XPO4: variants seen among roughly 807,000 people sequenced by gnomAD.
XPO4 encodes the protein exportin-4.
In XPO4, 39 loss-of-function variants were observed where a neutral mutation model predicts 143.0. The ratio of observed to expected loss-of-function variants is 0.27; its 90% confidence interval spans 0.21 to 0.36. The LOEUF (loss-of-function observed/expected upper bound fraction) is 0.36, where lower values mean the gene tolerates loss of function less well. XPO4 is among the 10% of genes least tolerant of loss of function. XPO4 has a pLI of 1.00. For synonymous variants in XPO4, 439 were observed against 474.0 expected, an observed-to-expected ratio of 0.93 and a Z score of 0.96; for missense variants, 907 against 1,348.0, an observed-to-expected ratio of 0.67 and a Z score of 5.12.
At chr13:20,837,070 C>T (rs2762994) in intron 6 of XPO4, among the ~76,000 whole-genome samples, 124,494 of 152,180 alleles carry the variant, frequency 0.82, 51,103 homozygotes, top group East Asian at 1. Context: ...CATTCATCAG[C>T]TGATGGACAT....
At chr13:20,839,016 C>T (rs933155140) in intron 6 of XPO4, among the ~76,000 whole-genome samples, 2 of 152,140 alleles carry the variant, frequency 1.3e-5, no homozygotes, top group African/African-American at 2.4e-5. Context: ...GTAATCCCAG[C>T]ACTTTGGGAG....
chr13:20,853,908 C>T (rs1212574244), intron 4 of XPO4, among the ~76,000 whole-genome samples: 1 of 152,166 alleles, frequency 6.6e-6, no homozygotes, highest in Non-Finnish European at 1.5e-5. Flanking sequence ...GTAAGTTCTA[C>T]TGGACAGCAC....
At position 20,849,235 on chromosome 13, in the gene XPO4, C is replaced by T. The variant is rs576932956; in HGVS notation, c.457-5349G>A. On this transcript the variant is annotated intron_variant, in intron 4 of 22. Coordinates refer to ENST00000255305, the MANE Select transcript of XPO4 (RefSeq NM_022459.5). ...TGCCATACATAAAGCAGACTTCCAG[C>T]TGCTCTTCTATGCAAACATCAATGA... 4 of 985,416 alleles carry T rather than the reference C, an allele frequency of 4.1e-6. No homozygotes were observed. In the African/African-American group the frequency reaches 7.0e-5, roughly 17 times the overall value. 61.0% of individuals were successfully genotyped at this position (985,416 alleles called of 1,614,324 possible). A position where few individuals can be genotyped will look rare whatever the true frequency, so the allele number is the denominator to read the frequency against.
At chr13:20,796,515 T>A (rs2059360359) in intron 17 of XPO4, among the ~76,000 whole-genome samples, 1 of 152,104 alleles carries the variant, frequency 6.6e-6, no homozygotes, top group Non-Finnish European at 1.5e-5. Flanking sequence ...TATACCTATG[T>A]AACAAATCTG....
In XPO4 at chr13:20,796,218, C is replaced by T; in HGVS notation, c.2655G>A (p.Leu885=). 1.2e-6 allele frequency: 2 copies of T among 1,604,240 alleles called. No homozygotes were observed. Among genetic ancestry groups the T allele is most frequent in the Non-Finnish European group, 1.7e-6 (2 of 1,177,010 alleles). Residue 885 remains leucine, a synonymous_variant, in exon 18 of 23, where the codon TTG becomes TTA. Coordinates refer to ENST00000255305, the MANE Select transcript of XPO4 (RefSeq NM_022459.5). ...AATTATTCTTAGAATACACTTGCAA[C>T]AAAGTAAGGCAGGCTTCATATAAGT... ...AMNLYEACLT[L]LQVYSKNNLG... is the part of the protein sequence containing the mutation.
At chr13:20,846,674 T>C (rs1324013390) in intron 4 of XPO4, among the ~76,000 whole-genome samples, 2 of 152,134 alleles carry the variant, frequency 1.3e-5, no homozygotes, top group East Asian at 3.8e-4. Context: ...AAACTAGAAA[T>C]CGTAGAAAAG....
In XPO4 at chr13:20,789,395, C is replaced by CTT. The variant is rs35527944; in HGVS notation, c.2917-781_2917-780dup. Among the ~76,000 whole-genome samples, 343 of 134,776 alleles carry CTT rather than the reference C, an allele frequency of 2.5e-3. 2 individuals carry two copies. The East Asian group carries it at 0.027, about 11-fold the overall frequency. 88.4% of individuals were successfully genotyped at this position (134,776 alleles called of 152,430 possible). A position where few individuals can be genotyped will look rare whatever the true frequency, so the allele number is the denominator to read the frequency against. ...CCTTCTGGACACTTCTCAGCCTCTA[C>CTT]TTTTTTTTTTTTTTTTTGAGACAGA... is the stretch of plus-strand genomic sequence containing the variant. On this transcript the variant is annotated intron_variant, in intron 19 of 22. Transcript: ENST00000255305.
chr13:20,779,290 A>T lies in XPO4; in HGVS notation c.*4432T>A, dbSNP rs1348378542. 2.0e-5 allele frequency: 3 copies of T among 152,624 alleles called. No individual in the cohort carries two copies. The highest frequency in any genetic ancestry group is 4.4e-5 in the Non-Finnish European group (3 of 68,028). The allele number at this position is 152,624 out of a possible 1,614,324, so 9.5% of individuals were successfully genotyped here. On this transcript the variant is annotated 3_prime_UTR_variant, in exon 23 of 23. Coordinates refer to ENST00000255305, the MANE Select transcript of XPO4 (RefSeq NM_022459.5). ...CACAATACCAACATTTGCAATTTGT[A>T]ATAATTTTATGTGGTAAAAGACACC...
intron 4 of XPO4, chr13:20,850,373 A>G: frequency 2.8e-6 from 2 of 717,118 alleles, no homozygotes; most frequent in Non-Finnish European, 3.4e-6. Context: ...TAAATGGCAG[A>G]GCTGGGATTT....
Position 20,780,937 on chromosome 13 carries a change from A to C in XPO4, c.*2785T>G, listed in dbSNP as rs9578318. The C allele has an allele frequency of 1.9e-3, 285 of 152,354 alleles. No individual in the cohort carries two copies. Among genetic ancestry groups the C allele is most frequent in the African/African-American group, 6.6e-3 (273 of 41,592 alleles). The allele number at this position is 152,354 out of a possible 1,614,324, so 9.4% of individuals were successfully genotyped here. On this transcript the variant is annotated 3_prime_UTR_variant, in exon 23 of 23. Coordinates refer to ENST00000255305, the MANE Select transcript of XPO4 (RefSeq NM_022459.5). ...CCACATTAACAGACTGTGAAAGTAC[A>C]AAGTCTTTAGTGATTGTGCCTTGGG...
chr13:20,862,724 T>C lies in XPO4; in HGVS notation c.310A>G (p.Arg104Gly). The part of the protein sequence containing the change: ...RTFLLTYVLQ[R>G]PNLQKYVREQ... ...CCCCCTCCATGTACTTACTTGGGCCTTTGTAAGACATAGGTTAAAAGGAAT... is the reference window on the plus strand; with the variant it reads ...CCCCCTCCATGTACTTACTTGGGCCCTTGTAAGACATAGGTTAAAAGGAAT... Residue 104 changes from arginine to glycine, a missense_variant, in exon 3 of 23, where the codon AGG becomes GGG. Coordinates refer to ENST00000255305, the MANE Select transcript of XPO4 (RefSeq NM_022459.5). 2 of 1,614,094 alleles carry C rather than the reference T, an allele frequency of 1.2e-6. No homozygotes were observed. Among genetic ancestry groups the C allele is most frequent in the Non-Finnish European group, 1.7e-6 (2 of 1,179,976 alleles).
In XPO4 at chr13:20,826,946, C is replaced by A. The variant is rs2059792492; in HGVS notation, c.840+121G>T. 4.6e-6 allele frequency: 3 copies of A among 654,964 alleles called. No individual in the cohort carries two copies. The African/African-American group carries it at 5.5e-5, about 12-fold the overall frequency. 40.6% of individuals were successfully genotyped at this position (654,964 alleles called of 1,614,324 possible). A position where few individuals can be genotyped will look rare whatever the true frequency, so the allele number is the denominator to read the frequency against. ...AATAATTTCTGTTTAAGCAGCCATA[C>A]TGATGAGAAGACAAGACTTTAGGGG... On this transcript the variant is annotated intron_variant, in intron 7 of 22. Coordinates refer to ENST00000255305, the MANE Select transcript of XPO4 (RefSeq NM_022459.5).
intron 1 of XPO4, chr13:20,902,321 G>A: frequency 5.1e-6 from 5 of 985,330 alleles, no homozygotes; most frequent in Non-Finnish European, 6.0e-6. Context: ...TTCCCCTACC[G>A]AAGCCCTGCG....
chr13:20,892,768 C>T (rs941252815), intron 1 of XPO4, among the ~76,000 whole-genome samples: 2 of 151,958 alleles, frequency 1.3e-5, no homozygotes, highest in Admixed American at 1.3e-4. Context: ...CCTGTGGTCC[C>T]ACCTACTCGG....
intron 3 of XPO4, among the ~76,000 whole-genome samples, chr13:20,861,777 C>CTTTTTTTTTTTTTTTTTTTTTTTTT (rs71200306): frequency 4.1e-5 from 3 of 73,394 alleles, no homozygotes; most frequent in African/African-American, 9.6e-5. Flanking sequence ...ACATTTCTCT[C>CTTTTTTTTTTTTTTTTTTTTTTTTT]TTTTTTTTTT....
At chr13:20,890,798 CAAAAAA>C (rs60214499) in intron 1 of XPO4, among the ~76,000 whole-genome samples, 1 of 93,158 alleles carries the variant, frequency 1.1e-5, no homozygotes, top group African/African-American at 4.5e-5. Flanking sequence ...GACCCTGCCT[CAAAAAA>C]AAAAAAAAAA....
chr13:20,790,483 C>G lies in XPO4; in HGVS notation c.2895G>C (p.Leu965Phe). The G allele has an allele frequency of 6.2e-7, 1 of 1,614,060 alleles. No homozygotes were observed. Among genetic ancestry groups the G allele is most frequent in the Non-Finnish European group, 8.5e-7 (1 of 1,179,938 alleles). ...VLYGVNLILP[L>F]MSQDLLKFPT... ...TTACCTTCAAGAGATCCTGTGACAT[C>G]AAGGGCAGAATTAGGTTTACTCCAT... Residue 965 changes from leucine to phenylalanine, a missense_variant, in exon 19 of 23, where the codon TTG becomes TTC. Coordinates refer to ENST00000255305, the MANE Select transcript of XPO4 (RefSeq NM_022459.5).
intron 17 of XPO4, among the ~76,000 whole-genome samples, chr13:20,796,550 T>C (rs192178114): frequency 6.6e-6 from 1 of 151,974 alleles, no homozygotes; most frequent in Non-Finnish European, 1.5e-5. Context: ...GTATCCTGTT[T>C]CCTTTTAGAA....
In XPO4 at chr13:20,783,222, G is replaced by A. The variant is rs540385199; in HGVS notation, c.*500C>T. 59 of 158,588 alleles carry A rather than the reference G, an allele frequency of 3.7e-4. No individual in the cohort carries two copies. The South Asian group carries it at 7.0e-3, about 19-fold the overall frequency. 9.8% of individuals were successfully genotyped at this position (158,588 alleles called of 1,614,324 possible). On this transcript the variant is annotated 3_prime_UTR_variant, in exon 23 of 23. Transcript: ENST00000255305. ...AGCTTATTAACATGAAGACTCCTGG[G>A]CCCAACAACCAGACATTCTGACTCT...
Sources: allele counts gnomAD v4.1 joint callset (sites outside exome capture counted in the v4.1 genomes callset), GRCh38; gene constraint gnomAD v4.1.1; transcripts MANE v1.5; gene names NCBI Gene and HGNC (gene_info 2026-07-23, HGNC 2026-07-21).